The following SCML4 variants were observed in gnomAD, a reference collection of about 807,000 sequenced individuals.
The protein encoded by SCML4 is sex comb on midleg-like protein 4.
In SCML4, 34 loss-of-function variants were observed where a neutral mutation model predicts 41.1. That is an observed-to-expected ratio of 0.83 (90% confidence interval 0.63 to 1.10). The LOEUF (loss-of-function observed/expected upper bound fraction) is 1.10. Ranked by LOEUF, SCML4 falls within the 50% of genes least tolerant of loss-of-function variation. The pLI, the probability that SCML4 is intolerant of heterozygous loss-of-function variation, is 0.00. For missense variants in SCML4, 522 were observed against 534.1 expected, an observed-to-expected ratio of 0.98 and a Z score of 0.22; for synonymous variants, 214 against 220.9, an observed-to-expected ratio of 0.97 and a Z score of 0.28.
intron 1 of SCML4, among the ~76,000 whole-genome samples, chr6:107,791,867 G>A (rs769342308): frequency 2.0e-5 from 3 of 152,196 alleles, no homozygotes; most frequent in Admixed American, 1.3e-4. Flanking sequence ...GGCTGAGGCA[G>A]GAGGATCTTT....
chr6:107,722,583 C>T (rs984447561), intron 5 of SCML4, among the ~76,000 whole-genome samples: 2 of 152,066 alleles, frequency 1.3e-5, no homozygotes, highest in African/African-American at 4.8e-5. Context: ...CAACAAAAAC[C>T]AATGGATCCT....
intron 5 of SCML4, among the ~76,000 whole-genome samples, chr6:107,726,628 A>C (rs901723735): frequency 2.6e-5 from 4 of 152,128 alleles, no homozygotes; most frequent in Non-Finnish European, 5.9e-5. Context: ...CATTTCTTTA[A>C]AAAGATATAC....
At chr6:107,842,837 G>A in the SCML4 span, among the ~76,000 whole-genome samples, 3 of 151,942 alleles carry the variant, frequency 2.0e-5, no homozygotes, top group African/African-American at 7.3e-5. Context: ...CTGATGTTAG[G>A]TATGTACACA....
intron 1 of SCML4, among the ~76,000 whole-genome samples, chr6:107,776,194 A>G (rs1423527464): frequency 1.3e-5 from 2 of 152,180 alleles, no homozygotes; most frequent in Non-Finnish European, 2.9e-5. Flanking sequence ...AAGCAAATGT[A>G]AAATCATAAA....
At chr6:107,810,008 G>A in intron 1 of SCML4, among the ~76,000 whole-genome samples, 1 of 152,174 alleles carries the variant, frequency 6.6e-6, no homozygotes, top group East Asian at 1.9e-4. Flanking sequence ...GCCAGGCACT[G>A]TGCTCATGTG....
At chr6:107,844,702 C>T in the SCML4 span, among the ~76,000 whole-genome samples, 57 of 152,166 alleles carry the variant, frequency 3.7e-4, 1 homozygote, top group African/African-American at 1.3e-3. Context: ...CAATTCTCCA[C>T]CTCATTTGTC....
Position 107,773,638 on chromosome 6 carries a change from C to A in SCML4, c.-59-1252G>T, listed in dbSNP as rs550863222. 1.1e-3 allele frequency among the ~76,000 whole-genome samples: 163 copies of A among 148,502 alleles called. 2 individuals are homozygous for A. Among genetic ancestry groups the A allele is most frequent in the African/African-American group, 3.7e-3 (150 of 40,364 alleles). On this transcript the variant is annotated intron_variant, in intron 1 of 7. Transcript: ENST00000369020. Reference sequence around the variant, plus strand: ...GAATAAGCTTCTCAGGTAGAATTGCCTAAACCTTGAAGCAAGAGGTAGTTG... The same window carrying A: ...GAATAAGCTTCTCAGGTAGAATTGCATAAACCTTGAAGCAAGAGGTAGTTG...
At chr6:107,802,977 C>G (rs1166234623) in intron 1 of SCML4, among the ~76,000 whole-genome samples, 1 of 151,624 alleles carries the variant, frequency 6.6e-6, no homozygotes, top group African/African-American at 2.4e-5. Flanking sequence ...AGCTCCTAAC[C>G]GCGAGTGATC....
rs1479273064 is a variant in SCML4, at chr6:107,772,357, G to A, written c.-30C>T. 7.1e-6 allele frequency: 11 copies of A among 1,538,650 alleles called. No homozygotes were observed. The East Asian group carries it at 2.0e-4, about 27-fold the overall frequency. On this transcript the variant is annotated 5_prime_UTR_variant, in exon 2 of 8. Transcript: ENST00000369020. ...GCTGGTGCCAGTCTTACAGAATGAG[G>A]TGACAAATCGCTCACAGGCAGAAGA...
intron 2 of SCML4, among the ~76,000 whole-genome samples, chr6:107,754,361 T>G: frequency 6.6e-6 from 1 of 152,228 alleles, no homozygotes; most frequent in East Asian, 1.9e-4. Flanking sequence ...TTTGACTCAG[T>G]GACTCTGACT....
At chr6:107,812,127 A>G (rs1784199126) in intron 1 of SCML4, among the ~76,000 whole-genome samples, 1 of 152,178 alleles carries the variant, frequency 6.6e-6, no homozygotes. Context: ...CCAGTGGTGG[A>G]TTGCCGGGAA....
At chr6:107,708,856 G>C (rs995628737) in intron 6 of SCML4, among the ~76,000 whole-genome samples, 1 of 152,118 alleles carries the variant, frequency 6.6e-6, no homozygotes, top group Non-Finnish European at 1.5e-5. Context: ...CAATATTTAG[G>C]GTTGATTTTT....
chr6:107,744,800 A>T (rs951164424), intron 5 of SCML4, 149 bp downstream of exon 5: 17 of 653,216 alleles, frequency 2.6e-5, no homozygotes, highest in South Asian at 7.2e-5. Context: ...GCCAGCTACA[A>T]ATATTTCCCA....
intron 7 of SCML4, 37 bp downstream of exon 7, chr6:107,707,829 T>TCAATCCC: frequency 3.2e-6 from 5 of 1,551,390 alleles, no homozygotes; most frequent in Non-Finnish European, 4.4e-6. Flanking sequence ...GCCTGCTCCC[T>TCAATCCC]CAATCCCCCC....
intron 7 of SCML4, among the ~76,000 whole-genome samples, chr6:107,706,889 G>A (rs959053397): frequency 5.3e-5 from 8 of 152,098 alleles, no homozygotes; most frequent in South Asian, 2.1e-4. Flanking sequence ...ACAACCAAGC[G>A]GATTCTCCCT....
In SCML4 at chr6:107,717,650, C is replaced by T. The variant is rs528065117; in HGVS notation, c.973+3053G>A. Among the ~76,000 whole-genome samples the T allele has an allele frequency of 7.9e-5, 12 of 152,296 alleles. No individual in the cohort carries two copies. In the South Asian group the frequency reaches 1.9e-3, roughly 24 times the overall value. On this transcript the variant is annotated intron_variant, in intron 6 of 7. Coordinates refer to ENST00000369020, the MANE Select transcript of SCML4 (RefSeq NM_198081.5). ...GCAACCTCCACCTCCCGGGTTCAAG[C>T]GATTCTCTTGCCTCAGCCTCTCAAG...
At chr6:107,725,295 G>A (rs1373768766) in intron 5 of SCML4, among the ~76,000 whole-genome samples, 1 of 152,022 alleles carries the variant, frequency 6.6e-6, no homozygotes, top group Admixed American at 6.6e-5. Context: ...ATTATCACAT[G>A]TACCCTAAAA....
At chr6:107,779,045 T>G (rs1217499653) in intron 1 of SCML4, among the ~76,000 whole-genome samples, 2 of 151,864 alleles carry the variant, frequency 1.3e-5, no homozygotes, top group Admixed American at 6.6e-5. Flanking sequence ...CCGGGCGTGG[T>G]GGCGGGCGCC....
rs1780597286 is a variant in SCML4 at position 107,772,402 on chromosome 6, G to A, written c.-59-16C>T. ...AGAAGAGGTGCTAAGAATTAGTCCA[G>A]ACACAAAGCAAAACAAAAACAGAAG... On this transcript the variant is annotated splice_polypyrimidine_tract_variant and intron_variant, in intron 1 of 7. Transcript: ENST00000369020. The A allele has an allele frequency of 2.2e-6, 3 of 1,369,222 alleles. No homozygotes were observed. Among genetic ancestry groups the A allele is most frequent in the Admixed American group, 5.4e-5 (2 of 36,804 alleles). 84.8% of individuals were successfully genotyped at this position (1,369,222 alleles called of 1,614,324 possible).
Sources: gnomAD v4.1 joint callset for allele counts (sites outside exome capture counted in the v4.1 genomes callset) on GRCh38, gnomAD v4.1.1 for gene constraint, MANE v1.5 for transcripts, NCBI Gene and HGNC (gene_info 2026-07-23, HGNC 2026-07-21) for gene names.